The following EPB41L3 variants were observed in gnomAD, a reference collection of about 807,000 sequenced individuals.
The protein encoded by EPB41L3 is erythrocyte membrane protein band 4.1 like 3, also known as band 4.1-like protein 3.
EPB41L3 carries 57 observed loss-of-function variants against 127.1 expected under a neutral mutation model. The observed-to-expected ratio is 0.45, with a 90% CI of 0.36 to 0.56. The LOEUF is 0.56. Among genes scored for constraint, EPB41L3 ranks in the 20% least tolerant of loss-of-function variants. EPB41L3 has a pLI of 0.00. For synonymous variants in EPB41L3, 572 were observed against 549.5 expected (o/e 1.04, Z -0.57); for missense variants, 1,273 against 1,372.2 (o/e 0.93, Z 1.14).
chr18:5,552,572 G>A (rs1616724), intron 3 of EPB41L3, among the ~76,000 whole-genome samples: 1 of 152,010 alleles, frequency 6.6e-6, no homozygotes, highest in African/African-American at 2.4e-5. Context: ...TTATGAATTG[G>A]ATCTAGCGAT....
At chr18:5,419,685 T>C (rs1489244019) in intron 12 of EPB41L3, 26 bp downstream of exon 12, 1 of 1,612,704 alleles carries the variant, frequency 6.2e-7, no homozygotes, top group East Asian at 2.2e-5. Flanking sequence ...TGGAGCAAGC[T>C]CTTGCAGGCA....
intron 3 of EPB41L3, among the ~76,000 whole-genome samples, chr18:5,574,355 T>C (rs1371277714): frequency 6.6e-6 from 1 of 150,452 alleles, no homozygotes; most frequent in African/African-American, 2.4e-5. Context: ...TATCAGCACA[T>C]GCTACCTGAG....
At chr18:5,409,373 T>C (rs943483237) in intron 14 of EPB41L3, among the ~76,000 whole-genome samples, 18 of 152,232 alleles carry the variant, frequency 1.2e-4, no homozygotes, top group African/African-American at 4.3e-4. Flanking sequence ...TTACTGGATG[T>C]ACTACCCTGT....
At chr18:5,452,691 C>A (rs372519776) in intron 3 of EPB41L3, among the ~76,000 whole-genome samples, 2 of 131,660 alleles carry the variant, frequency 1.5e-5, no homozygotes, top group African/African-American at 5.7e-5. Flanking sequence ...ATGAGAAAAA[C>A]CACTAAACTC....
intron 3 of EPB41L3, among the ~76,000 whole-genome samples, chr18:5,606,156 GC>G (rs2094649622): frequency 6.6e-6 from 1 of 152,104 alleles, no homozygotes; most frequent in Non-Finnish European, 1.5e-5. Flanking sequence ...GAGACATAAG[GC>G]CAATGACCTT....
intron 1 of EPB41L3, among the ~76,000 whole-genome samples, chr18:5,539,248 TTCTCTC>T (rs10598127): frequency 0.019 from 2,864 of 148,430 alleles, 49 homozygotes; most frequent in Non-Finnish European, 0.029. Flanking sequence ...CCTTTCTGCT[TTCTCTC>T]TCTCTCTCTC....
At chr18:5,444,856 G>A (rs746358169) in intron 4 of EPB41L3, among the ~76,000 whole-genome samples, 1 of 151,626 alleles carries the variant, frequency 6.6e-6, no homozygotes, top group Admixed American at 6.6e-5. Context: ...ACCCCACCCC[G>A]GCAAAAGGAA....
intron 1 of EPB41L3, among the ~76,000 whole-genome samples, chr18:5,491,389 A>G (rs2090576924): frequency 1.3e-5 from 2 of 152,202 alleles, no homozygotes; most frequent in South Asian, 4.1e-4. Flanking sequence ...CTATTTCCTG[A>G]GCAAATGAAT....
At chr18:5,624,354 A>AT (rs933808232) in intron 1 of EPB41L3, among the ~76,000 whole-genome samples, 2 of 151,880 alleles carry the variant, frequency 1.3e-5, no homozygotes, top group Admixed American at 1.3e-4. Context: ...AGCATATCTC[A>AT]TTTTTCCTTC....
intron 1 of EPB41L3, among the ~76,000 whole-genome samples, chr18:5,496,920 A>C (rs572895990): frequency 6.6e-6 from 1 of 152,218 alleles, no homozygotes; most frequent in Non-Finnish European, 1.5e-5. Context: ...GGAGGAAAAG[A>C]AATAAAAAGT....
chr18:5,612,805 A>G (rs188970927), intron 2 of EPB41L3, among the ~76,000 whole-genome samples: 1 of 152,348 alleles, frequency 6.6e-6, no homozygotes, highest in Admixed American at 6.5e-5. Flanking sequence ...CAGTGGCACA[A>G]TCTTGGCTCA....
At chr18:5,394,848 G>T in intron 21 of EPB41L3, 55 bp from the exon 22 acceptor site, 1 of 1,525,058 alleles carries the variant, frequency 6.6e-7, no homozygotes, top group South Asian at 1.1e-5. Flanking sequence ...GAACATGCAT[G>T]ATCAGTGGTG....
intron 3 of EPB41L3, among the ~76,000 whole-genome samples, chr18:5,589,626 C>A (rs1324860024): frequency 2.0e-5 from 3 of 152,224 alleles, no homozygotes; most frequent in Non-Finnish European, 4.4e-5. Context: ...TTTATATATA[C>A]CCCAGTCTTC....
chr18:5,543,041 G>A lies in EPB41L3; in HGVS notation c.-12+872C>T, dbSNP rs1259617709. Reference sequence around the variant, plus strand: ...TCGCAGACACCTCCCGAGGAGAATCGCGGCCCCGAGGGCGCCAGGTGAGTC... The same window carrying A: ...TCGCAGACACCTCCCGAGGAGAATCACGGCCCCGAGGGCGCCAGGTGAGTC... On this transcript the variant is annotated intron_variant, in intron 1 of 22. Coordinates refer to ENST00000341928, the MANE Select transcript of EPB41L3 (RefSeq NM_012307.5). The surrounding 1 kb of genome is among the most constrained non-coding windows in gnomAD (Gnocchi z 5.2). Among the ~76,000 whole-genome samples, 3 of 152,092 alleles carry A rather than the reference G, an allele frequency of 2.0e-5. No homozygotes were observed. The highest frequency in any genetic ancestry group is 7.2e-5 in the African/African-American group (3 of 41,524).
intron 1 of EPB41L3, among the ~76,000 whole-genome samples, chr18:5,492,814 G>GCTA (rs2090750690): frequency 6.6e-6 from 1 of 152,128 alleles, no homozygotes; most frequent in Non-Finnish European, 1.5e-5. Flanking sequence ...TCATAAGTAT[G>GCTA]CTAGGCAGAT....
At position 5,482,248 on chromosome 18, in the gene EPB41L3, T is replaced by C. The variant is rs115654241; in HGVS notation, c.184-3810A>G. Among the ~76,000 whole-genome samples, 679 of 152,266 alleles carry C rather than the reference T, an allele frequency of 4.5e-3. 6 individuals carry two copies. The highest frequency in any genetic ancestry group is 0.016 in the African/African-American group (649 of 41,536). ...TGAAGAACTCATTAGAGGCTCTTAG[T>C]AGAATGAACAAAGCACAGGAAAGAT... On this transcript the variant is annotated intron_variant, in intron 2 of 22. Coordinates refer to ENST00000341928, the MANE Select transcript of EPB41L3 (RefSeq NM_012307.5).
At chr18:5,394,180 A>C (rs1324766447) in intron 22 of EPB41L3, 2 of 152,936 alleles carry the variant, frequency 1.3e-5, no homozygotes, top group Non-Finnish European at 2.9e-5. Flanking sequence ...TAAAGACAAA[A>C]GCATAAACAG....
intron 1 of EPB41L3, among the ~76,000 whole-genome samples, chr18:5,535,032 T>A: frequency 6.6e-6 from 1 of 152,166 alleles, no homozygotes; most frequent in East Asian, 1.9e-4. Context: ...TACCACCTGA[T>A]CTCCGCCTCC....
chr18:5,568,315 C>T (rs1014656551), intron 3 of EPB41L3, among the ~76,000 whole-genome samples: 1 of 150,730 alleles, frequency 6.6e-6, no homozygotes, highest in African/African-American at 2.4e-5. Context: ...GTTTAGGTGG[C>T]GCATAAGTGA....
Sources: allele counts gnomAD v4.1 joint callset (sites outside exome capture counted in the v4.1 genomes callset), GRCh38; gene constraint gnomAD v4.1.1; non-coding constraint Gnocchi (gnomAD v3.1); transcripts MANE v1.5; gene names NCBI Gene and HGNC (gene_info 2026-07-23, HGNC 2026-07-21).